Variants in ZNF385D observed in about 807,000 individuals in gnomAD.
ZNF385D encodes zinc finger protein 659.
ZNF385D carries 15 observed loss-of-function variants against 35.8 expected under a neutral mutation model. The ratio of observed to expected loss-of-function variants is 0.42; its 90% CI spans 0.28 to 0.64. The LOEUF (loss-of-function observed/expected upper bound fraction) is 0.64. Ranked by LOEUF, ZNF385D falls within the 30% of genes least tolerant of loss-of-function variation. The pLI is 0.23. For synonymous variants in ZNF385D, 212 were observed against 186.8 expected, an observed-to-expected ratio of 1.13 and a Z score of -1.10; for missense variants, 474 against 494.6, an observed-to-expected ratio of 0.96 and a Z score of 0.39.
At chr3:22,252,277 G>C (rs1212724865) in intron 2 of ZNF385D, among the ~76,000 whole-genome samples, 2 of 152,008 alleles carry the variant, frequency 1.3e-5, no homozygotes, top group South Asian at 4.1e-4. Context: ...CTGGTCATTA[G>C]ATTTTATACC....
At position 21,835,591 on chromosome 3, in the gene ZNF385D, A is replaced by T. The variant is rs1387490747; in HGVS notation, c.326-170563T>A. Among the ~76,000 whole-genome samples, 4 of 152,096 alleles carry T rather than the reference A, an allele frequency of 2.6e-5. No individual in the cohort carries two copies. In the South Asian group the frequency reaches 8.3e-4, roughly 31 times the overall value. ...AGGCACAAATAATAAATCTTAGCAT[A>T]TGTTCTAATAGAAAATAGCTTTAAA... is the stretch of plus-strand genomic sequence containing the variant. On this transcript the variant is annotated intron_variant, in intron 3 of 5. Transcript: ENST00000494108.
At chr3:21,556,682 G>A (rs1254123552) in intron 3 of ZNF385D, among the ~76,000 whole-genome samples, 6 of 151,702 alleles carry the variant, frequency 4.0e-5, no homozygotes, top group Admixed American at 2.0e-4. Flanking sequence ...TGTTCTGTTC[G>A]CTTAGGATTG....
chr3:22,124,925 G>T (rs1258437681), intron 3 of ZNF385D, among the ~76,000 whole-genome samples: 3 of 152,030 alleles, frequency 2.0e-5, no homozygotes, highest in Non-Finnish European at 4.4e-5. Context: ...AATTTGATGT[G>T]ACCCCATTTG....
At chr3:21,727,124 G>A (rs1254698590) in intron 1 of ZNF385D, among the ~76,000 whole-genome samples, 1 of 152,126 alleles carries the variant, frequency 6.6e-6, no homozygotes, top group East Asian at 1.9e-4. Flanking sequence ...GCTATATGCA[G>A]AAAACTGAAA....
In ZNF385D at chr3:21,536,188, G is replaced by A. The variant is rs79254731; in HGVS notation, c.277-25165C>T. Among the ~76,000 whole-genome samples, 1,335 of 152,074 alleles carry A rather than the reference G, an allele frequency of 8.8e-3. 15 individuals are homozygous for A. The highest frequency in any genetic ancestry group is 0.03 in the African/African-American group (1,257 of 41,502). ...CTGACAATTGGGAATTTATCACCAG[G>A]TATTCATCTTATTTGTTGATGAAGT... On this transcript the variant is annotated intron_variant, in intron 3 of 7. Transcript: ENST00000281523.
chr3:22,278,332 G>A (rs1057367940), intron 2 of ZNF385D, among the ~76,000 whole-genome samples: 1 of 152,066 alleles, frequency 6.6e-6, no homozygotes, highest in African/African-American at 2.4e-5. Flanking sequence ...TCTGAAGCAA[G>A]CATTTGCTCA....
At chr3:22,105,858 G>A (rs375151894) in intron 3 of ZNF385D, among the ~76,000 whole-genome samples, 3 of 152,054 alleles carry the variant, frequency 2.0e-5, no homozygotes, top group African/African-American at 7.2e-5. Context: ...TGGGACCTAG[G>A]CATTTTGACA....
Position 22,247,878 on chromosome 3 carries a change from T to C in ZNF385D, c.107-78843A>G, listed in dbSNP as rs557667158. The stretch of plus-strand genomic sequence containing the variant: ...TCGGCCTCCCAAAGTCCTGGGATCA[T>C]AGGGGTGAGCCACCACGCCCGGCCT... On this transcript the variant is annotated intron_variant, in intron 2 of 5. Transcript: ENST00000494108. Among the ~76,000 whole-genome samples the C allele has an allele frequency of 5.9e-5, 9 of 152,170 alleles. No homozygotes were observed. The East Asian group carries it at 7.8e-4, about 13-fold the overall frequency.
chr3:22,221,859 A>G lies in ZNF385D; in HGVS notation c.107-52824T>C, dbSNP rs1049792564. ...CATCAAAACCTCTAACATATCCATA[A>G]AAGAAATATTTCTATGACAGAGTAG... On this transcript the variant is annotated intron_variant, in intron 2 of 5. Coordinates refer to the ZNF385D transcript ENST00000494108. Among the ~76,000 whole-genome samples, 6 of 152,322 alleles carry G rather than the reference A, an allele frequency of 3.9e-5. No individual in the cohort carries two copies. In the East Asian group the frequency reaches 9.6e-4, roughly 24 times the overall value.
At chr3:21,993,310 T>C (rs2125399597) in intron 3 of ZNF385D, among the ~76,000 whole-genome samples, 1 of 152,296 alleles carries the variant, frequency 6.6e-6, no homozygotes, top group Admixed American at 6.5e-5. Context: ...TTTCCTTGAG[T>C]TGTTTTAAAA....
At chr3:21,926,023 G>C (rs575583441) in intron 3 of ZNF385D, among the ~76,000 whole-genome samples, 24 of 152,256 alleles carry the variant, frequency 1.6e-4, no homozygotes, top group African/African-American at 5.8e-4. Flanking sequence ...CTTATACGTG[G>C]ATAGTCGGAA....
intron 3 of ZNF385D, among the ~76,000 whole-genome samples, chr3:22,100,150 T>G (rs950958405): frequency 3.5e-5 from 5 of 144,534 alleles, no homozygotes; most frequent in East Asian, 2.0e-4. Context: ...CTCACACCAG[T>G]TAGAATGGCA....
At chr3:21,913,808 C>G (rs1187515519) in intron 3 of ZNF385D, among the ~76,000 whole-genome samples, 1 of 152,058 alleles carries the variant, frequency 6.6e-6, no homozygotes, top group Non-Finnish European at 1.5e-5. Flanking sequence ...GATCACAATA[C>G]TAATTCATCA....
At chr3:21,617,677 C>T (rs1042401255) in intron 2 of ZNF385D, among the ~76,000 whole-genome samples, 2 of 152,146 alleles carry the variant, frequency 1.3e-5, no homozygotes, top group Admixed American at 6.5e-5. Flanking sequence ...ATGCTCTTGG[C>T]CACTCCATTA....
At chr3:22,307,561 G>T (rs1292223907) in intron 2 of ZNF385D, among the ~76,000 whole-genome samples, 1 of 152,066 alleles carries the variant, frequency 6.6e-6, no homozygotes, top group African/African-American at 2.4e-5. Context: ...CCACATCCAT[G>T]TAACACATAT....
chr3:22,309,560 A>T (rs1318106946), intron 2 of ZNF385D, among the ~76,000 whole-genome samples: 1 of 152,082 alleles, frequency 6.6e-6, no homozygotes, highest in African/African-American at 2.4e-5. Context: ...TCAATGTAAA[A>T]GACAGGGTCC....
At chr3:22,073,102 A>G (rs943655324) in intron 3 of ZNF385D, among the ~76,000 whole-genome samples, 2 of 152,028 alleles carry the variant, frequency 1.3e-5, no homozygotes, top group Non-Finnish European at 2.9e-5. Flanking sequence ...ATAAGGGCAG[A>G]GACAAGCAGT....
intron 3 of ZNF385D, among the ~76,000 whole-genome samples, chr3:21,805,050 A>C (rs79342295): frequency 0.077 from 11,711 of 152,240 alleles, 587 homozygotes; most frequent in South Asian, 0.12. Context: ...AGAGGGGCTT[A>C]TACCACTAGG....
chr3:22,141,967 A>G (rs1259940656), intron 3 of ZNF385D, among the ~76,000 whole-genome samples: 1 of 152,200 alleles, frequency 6.6e-6, no homozygotes, highest in Non-Finnish European at 1.5e-5. Context: ...TTGCATTTCA[A>G]CATTTAACCA....
Sources: gnomAD v4.1 joint callset for allele counts (sites outside exome capture counted in the v4.1 genomes callset) on GRCh38, gnomAD v4.1.1 for gene constraint, MANE v1.5 for transcripts, NCBI Gene and HGNC (gene_info 2026-07-23, HGNC 2026-07-21) for gene names.